The following GALNT7 variants were observed in gnomAD, a reference collection of about 807,000 sequenced individuals.
The protein encoded by GALNT7 is polypeptide N-acetylgalactosaminyltransferase 7.
In GALNT7, 60 loss-of-function variants were observed where a neutral mutation model predicts 82.1. That is an observed-to-expected ratio of 0.73 (90% CI 0.59 to 0.91). The LOEUF is 0.91. GALNT7 is among the 40% of genes least tolerant of loss of function. The probability of loss-of-function intolerance (pLI) is 0.00; values close to 1 mark genes in which losing one functional copy is unlikely to be tolerated. For synonymous variants in GALNT7, 243 were observed against 275.1 expected (o/e 0.88, Z 1.15); for missense variants, 660 against 804.2 (o/e 0.82, Z 2.17).
chr4:173,240,896 TG>T (rs947073741), intron 1 of GALNT7, among the ~76,000 whole-genome samples: 3 of 152,000 alleles, frequency 2.0e-5, no homozygotes, highest in Non-Finnish European at 4.4e-5. Context: ...AGAAGCTCTG[TG>T]GGGGGTTAGA....
Position 173,302,261 on chromosome 4 carries a change from A to G in GALNT7, c.1266+97A>G. ...TTTTTTGTGGGGGAAAAAAGCCCACAATTATATCATGCATTTCTCCAAATT... is the reference window on the plus strand; with the variant it reads ...TTTTTTGTGGGGGAAAAAAGCCCACGATTATATCATGCATTTCTCCAAATT... On this transcript the variant is annotated intron_variant, in intron 7 of 11. Coordinates refer to ENST00000265000, the MANE Select transcript of GALNT7 (RefSeq NM_017423.3). This position sits in a 1 kb window ranked among gnomAD's most constrained non-coding sequence, Gnocchi z 4.2. 1.3e-6 allele frequency: 1 copy of G among 741,728 alleles called. No homozygotes were observed. 45.9% of individuals were successfully genotyped at this position (741,728 alleles called of 1,614,324 possible). A position where few individuals can be genotyped will look rare whatever the true frequency, so the allele number is the denominator to read the frequency against.
intron 1 of GALNT7, among the ~76,000 whole-genome samples, chr4:173,197,650 G>A (rs1377577846): frequency 6.6e-6 from 1 of 152,226 alleles, no homozygotes; most frequent in African/African-American, 2.4e-5. Flanking sequence ...AACACAGGTA[G>A]TGGAGGTAGA....
At chr4:173,258,565 C>T in intron 2 of GALNT7, among the ~76,000 whole-genome samples, 1 of 152,198 alleles carries the variant, frequency 6.6e-6, no homozygotes, top group East Asian at 1.9e-4. Context: ...AGCAGCATCA[C>T]TGTCCCTGTG....
intron 1 of GALNT7, among the ~76,000 whole-genome samples, chr4:173,216,982 C>T (rs1204594967): frequency 6.6e-6 from 1 of 151,566 alleles, no homozygotes; most frequent in African/African-American, 2.4e-5. Flanking sequence ...CCGCCTGCCT[C>T]GGCCTCCCAA....
At chr4:173,176,063 A>G (rs1016367404) in intron 1 of GALNT7, among the ~76,000 whole-genome samples, 3 of 150,582 alleles carry the variant, frequency 2.0e-5, no homozygotes, top group African/African-American at 7.4e-5. Flanking sequence ...ACAAAACGAG[A>G]CTCCATCTCA....
In GALNT7 at chr4:173,216,727, A is replaced by ATATATATTTT. The variant is rs71244915; in HGVS notation, c.127-31252_127-31251insATATATTTTT. On this transcript the variant is annotated intron_variant, in intron 1 of 11. Coordinates refer to ENST00000265000, the MANE Select transcript of GALNT7 (RefSeq NM_017423.3). ...TATTCATATATATATATATATATAT[A>ATATATATTTT]TTTTTTTTTTTTTTTTTTTGGAGAC... Among the ~76,000 whole-genome samples the ATATATATTTT allele has an allele frequency of 1.3e-3, 17 of 12,976 alleles. 1 individual carries two copies. The highest frequency in any genetic ancestry group is 3.3e-3 in the African/African-American group (12 of 3,588). The allele number at this position is 12,976 out of a possible 152,430, so 8.5% of individuals were successfully genotyped here.
At chr4:173,306,585 C>T (rs1737163303) in intron 8 of GALNT7, among the ~76,000 whole-genome samples, 1 of 152,114 alleles carries the variant, frequency 6.6e-6, no homozygotes, top group Non-Finnish European at 1.5e-5. Context: ...TTGTCAAATG[C>T]CTTTTTCACA....
In GALNT7 at chr4:173,168,835, G is replaced by T. The variant is rs1432265441; in HGVS notation, c.-1G>T. The T allele has an allele frequency of 6.2e-7, 1 of 1,612,026 alleles. No homozygotes were observed. The highest frequency in any genetic ancestry group is 8.5e-7 in the Non-Finnish European group (1 of 1,178,986). On this transcript the variant is annotated 5_prime_UTR_variant, in exon 1 of 12. Transcript: ENST00000265000. ...TGTGAGTCTCTCGCCGCCGGAGGAA[G>T]ATGAGGCTGAAGATTGGGTTCATCT... is the stretch of plus-strand genomic sequence containing the variant.
In GALNT7 at chr4:173,320,438, T is replaced by C. The variant is rs1362269099; in HGVS notation, c.1837-1142T>C. Among the ~76,000 whole-genome samples the C allele has an allele frequency of 1.3e-5, 2 of 152,090 alleles. No homozygotes were observed. The highest frequency in any genetic ancestry group is 2.9e-5 in the Non-Finnish European group (2 of 67,984). On this transcript the variant is annotated intron_variant, in intron 11 of 11. Coordinates refer to ENST00000265000, the MANE Select transcript of GALNT7 (RefSeq NM_017423.3). This position sits in a 1 kb window ranked among gnomAD's most constrained non-coding sequence, Gnocchi z 4.1. Reference sequence around the variant, plus strand: ...AATAACTATGTTTACCCACAAAAAATAGTGAGAAGAATGGAATTCTGTATT... The same window carrying C: ...AATAACTATGTTTACCCACAAAAAACAGTGAGAAGAATGGAATTCTGTATT...
chr4:173,188,733 A>T (rs894883621), intron 1 of GALNT7, among the ~76,000 whole-genome samples: 1 of 152,122 alleles, frequency 6.6e-6, no homozygotes, highest in African/African-American at 2.4e-5. Context: ...AGCTGTGTAA[A>T]TCTTACCATC....
chr4:173,235,202 C>T (rs1397500956), intron 1 of GALNT7, among the ~76,000 whole-genome samples: 2 of 152,170 alleles, frequency 1.3e-5, no homozygotes, highest in African/African-American at 4.8e-5. Flanking sequence ...TACTACTCAG[C>T]CAGGGGATTG....
intron 1 of GALNT7, among the ~76,000 whole-genome samples, chr4:173,200,544 T>C (rs1732913391): frequency 6.6e-6 from 1 of 152,146 alleles, no homozygotes; most frequent in Non-Finnish European, 1.5e-5. Context: ...ACCTCCTACA[T>C]GTTATTTTAG....
Position 173,218,802 on chromosome 4 carries a change from T to C in GALNT7, c.127-29178T>C, listed in dbSNP as rs553692387. On this transcript the variant is annotated intron_variant, in intron 1 of 11. Transcript: ENST00000265000. ...GTCAGTTGCCCAGTGCTTCCATTCATTCATCACTTGTTTATTTTATTCAAC... is the reference window on the plus strand; with the variant it reads ...GTCAGTTGCCCAGTGCTTCCATTCACTCATCACTTGTTTATTTTATTCAAC... Among the ~76,000 whole-genome samples the C allele has an allele frequency of 2.0e-3, 308 of 152,302 alleles. 1 individual carries two copies. The highest frequency in any genetic ancestry group is 7.1e-3 in the African/African-American group (296 of 41,560).
chr4:173,236,324 C>G (rs760712333), intron 1 of GALNT7, among the ~76,000 whole-genome samples: 1 of 152,222 alleles, frequency 6.6e-6, no homozygotes. Context: ...CTTGTTACTT[C>G]AACATCATGA....
chr4:173,176,285 G>T (rs73870531), intron 1 of GALNT7, among the ~76,000 whole-genome samples: 1 of 152,122 alleles, frequency 6.6e-6, no homozygotes, highest in Non-Finnish European at 1.5e-5. Flanking sequence ...CAGTATGGCC[G>T]GAGTTTGTTG....
intron 10 of GALNT7, among the ~76,000 whole-genome samples, chr4:173,318,126 C>A (rs1737672743): frequency 6.6e-6 from 1 of 152,086 alleles, no homozygotes; most frequent in African/African-American, 2.4e-5. Flanking sequence ...AATATATATT[C>A]TCTTACTTAT....
rs114146706 is a variant in GALNT7, at chr4:173,258,782, T to G, written c.587+10342T>G. On this transcript the variant is annotated intron_variant, in intron 2 of 11. Coordinates refer to ENST00000265000, the MANE Select transcript of GALNT7 (RefSeq NM_017423.3). Reference sequence around the variant, plus strand: ...CTGGCATATACACCCATTGCCTTGTTAGGGATGCTAACAGCCAAGAGGTTG... The same window carrying G: ...CTGGCATATACACCCATTGCCTTGTGAGGGATGCTAACAGCCAAGAGGTTG... 2.0e-3 allele frequency among the ~76,000 whole-genome samples: 306 copies of G among 152,318 alleles called. 2 individuals are homozygous for G. The highest frequency in any genetic ancestry group is 7.0e-3 in the African/African-American group (291 of 41,578).
rs115326880 is a variant in GALNT7, at chr4:173,293,817, C to T, written c.754+1543C>T. ...CCCCATCCTCACCACAGGACCCAGG[C>T]GTGCAGAGCAGCCTCAGCTCAGACA... On this transcript the variant is annotated intron_variant, in intron 3 of 11. Transcript: ENST00000265000. 3.9e-5 allele frequency among the ~76,000 whole-genome samples: 6 copies of T among 152,262 alleles called. No homozygotes were observed. In the East Asian group the frequency reaches 5.8e-4, roughly 15 times the overall value.
intron 2 of GALNT7, among the ~76,000 whole-genome samples, chr4:173,251,852 A>C (rs1352507047): frequency 6.6e-6 from 1 of 152,208 alleles, no homozygotes; most frequent in Non-Finnish European, 1.5e-5. Flanking sequence ...TTGAAATCCT[A>C]TACTAGTGAT....
Sources: allele counts gnomAD v4.1 joint callset (sites outside exome capture counted in the v4.1 genomes callset), GRCh38; gene constraint gnomAD v4.1.1; non-coding constraint Gnocchi (gnomAD v3.1); transcripts MANE v1.5; gene names NCBI Gene and HGNC (gene_info 2026-07-23, HGNC 2026-07-21).